The following NLRP8 variants were observed in gnomAD, a reference collection of about 807,000 sequenced individuals.
NLRP8 encodes the protein NLR family pyrin domain containing 8.
A neutral mutation model predicts 88.7 loss-of-function variants in NLRP8; 86 were observed. That is an observed-to-expected ratio of 0.97 (90% CI 0.81 to 1.16). The LOEUF (loss-of-function observed/expected upper bound fraction) is 1.16. Ranked by LOEUF, NLRP8 falls within the 50% of genes most tolerant of loss-of-function variation. NLRP8 has a pLI of 0.00. For missense variants in NLRP8, 1,342 were observed against 1,286.5 expected (o/e 1.04, Z -0.66); for synonymous variants, 504 against 494.6 (o/e 1.02, Z -0.25).
intron 9 of NLRP8, among the ~76,000 whole-genome samples, chr19:55,981,080 A>G (rs1461877664): frequency 6.6e-6 from 1 of 152,188 alleles, no homozygotes; most frequent in Non-Finnish European, 1.5e-5. Context: ...ACAGCAATGA[A>G]GTGGATATGC....
intron 4 of NLRP8, among the ~76,000 whole-genome samples, chr19:55,964,465 T>C (rs1052981402): frequency 6.6e-6 from 1 of 152,056 alleles, no homozygotes. Context: ...GTAGAAGAAA[T>C]AGCCGGTCGG....
rs547936965 is a variant in NLRP8, at chr19:55,951,122, C to T, written c.368-1416C>T. Among the ~76,000 whole-genome samples, 3 of 152,136 alleles carry T rather than the reference C, an allele frequency of 2.0e-5. No homozygotes were observed. The South Asian group carries it at 6.2e-4, about 32-fold the overall frequency. ...ATAAAAATAAAAATGGTACCCAAAA[C>T]TAGTGCTGATGTGCCTTTCCATGTT... On this transcript the variant is annotated intron_variant, in intron 1 of 9. Transcript: ENST00000291971.
chr19:55,970,661 G>T lies in NLRP8; in HGVS notation c.2499G>T (p.Ala833=). 6.2e-7 allele frequency: 1 copy of T among 1,614,072 alleles called. No individual in the cohort carries two copies. The highest frequency in any genetic ancestry group is 8.5e-7 in the Non-Finnish European group (1 of 1,180,008). ...AAAACTCCCTGGAGAACTGTGGGGC[G>T]TATTACCTGTCTGTGGCCCAGCTGG... The change falls in exon 6 of 10, where the codon GCG becomes GCT. Residue 833 remains alanine, a synonymous_variant. Coordinates refer to ENST00000291971, the MANE Select transcript of NLRP8 (RefSeq NM_176811.2).
intron 2 of NLRP8, among the ~76,000 whole-genome samples, chr19:55,953,731 C>T (rs1979200751): frequency 6.6e-6 from 1 of 150,864 alleles, no homozygotes; most frequent in South Asian, 2.1e-4. Context: ...AACTCCTAAC[C>T]TCGTGCCCGC....
At position 55,948,060 on chromosome 19, in the gene NLRP8, T is replaced by C; in HGVS notation, c.158T>C (p.Leu53Pro). 1 of 1,614,064 alleles carries C rather than the reference T, an allele frequency of 6.2e-7. No homozygotes were observed. ...ATGAGAAACGTGAGCCATGAGGAGC[T>C]ACAACGGTTCAAGCAGCTCTTACTG... is the stretch of plus-strand genomic sequence containing the variant. Residue 53 changes from leucine to proline, a missense_variant, in exon 1 of 10, where the codon CTA (leucine) becomes CCA (proline). Transcript: ENST00000291971.
At chr19:55,981,369 T>C (rs1980565970) in intron 9 of NLRP8, among the ~76,000 whole-genome samples, 1 of 152,206 alleles carries the variant, frequency 6.6e-6, no homozygotes, top group Non-Finnish European at 1.5e-5. Flanking sequence ...TGGAGTGTCA[T>C]GTGTTAACAC....
chr19:55,970,140 ATGAT>A (rs1184800645), intron 5 of NLRP8, among the ~76,000 whole-genome samples: 1 of 152,218 alleles, frequency 6.6e-6, no homozygotes, highest in Non-Finnish European at 1.5e-5. Context: ...CACTACAAAA[ATGAT>A]TAAATTGGTG....
chr19:55,973,536 C>A (rs2123217285), intron 6 of NLRP8, 116 bp from the exon 7 acceptor site: 1 of 881,836 alleles, frequency 1.1e-6, no homozygotes, highest in Non-Finnish European at 1.7e-6. Flanking sequence ...GTGGTGATGA[C>A]AGAGGTGTGA....
At chr19:55,964,684 G>A (rs7249588) in intron 4 of NLRP8, among the ~76,000 whole-genome samples, 10,053 of 151,354 alleles carry the variant, frequency 0.066, 855 homozygotes, top group East Asian at 0.48. Flanking sequence ...CCTGGGAAGC[G>A]GAGGTTGCAG....
At chr19:55,960,777 T>C (rs1979572049) in intron 3 of NLRP8, among the ~76,000 whole-genome samples, 1 of 152,184 alleles carries the variant, frequency 6.6e-6, no homozygotes, top group Non-Finnish European at 1.5e-5. Context: ...TCATCTCATG[T>C]GTCTTGGCAA....
chr19:55,975,638 A>C (rs1330917512), intron 7 of NLRP8, among the ~76,000 whole-genome samples: 1 of 152,234 alleles, frequency 6.6e-6, no homozygotes, highest in Non-Finnish European at 1.5e-5. Context: ...AGCATGGACG[A>C]ATCTTCAAAA....
chr19:55,975,474 A>G (rs2123220485), intron 7 of NLRP8, among the ~76,000 whole-genome samples: 1 of 152,216 alleles, frequency 6.6e-6, no homozygotes, highest in East Asian at 1.9e-4. Flanking sequence ...GAAAACCTGC[A>G]CACAGTTCAC....
chr19:55,957,514 C>T (rs901650833), intron 3 of NLRP8, among the ~76,000 whole-genome samples: 1 of 151,466 alleles, frequency 6.6e-6, no homozygotes, highest in Non-Finnish European at 1.5e-5. Flanking sequence ...GGTAAAACCC[C>T]GTTTCTACTA....
intron 4 of NLRP8, among the ~76,000 whole-genome samples, chr19:55,963,882 G>C (rs909351818): frequency 8.6e-5 from 13 of 152,040 alleles, no homozygotes; most frequent in Non-Finnish European, 1.9e-4. Flanking sequence ...AAGAGTGAGC[G>C]TGTATGCGTT....
At position 55,966,306 on chromosome 19, in the gene NLRP8, G is replaced by A. The variant is rs1979836378; in HGVS notation, c.2307G>A (p.Val769=). Residue 769 remains valine (V), a synonymous_variant, in exon 5 of 10, where the codon GTG becomes GTA. Transcript: ENST00000291971. The stretch of plus-strand genomic sequence containing the variant: ...TGAGATACTTGGAAATACAACATGT[G>A]GAAGTGGAGTCCAAAGCTGTGAAGC... 4 of 1,614,076 alleles carry A rather than the reference G, an allele frequency of 2.5e-6. No homozygotes were observed. The East Asian group carries it at 8.9e-5, about 36-fold the overall frequency.
chr19:55,959,100 G>C (rs1979502364), intron 3 of NLRP8, among the ~76,000 whole-genome samples: 1 of 148,110 alleles, frequency 6.8e-6, no homozygotes, highest in South Asian at 2.2e-4. Context: ...GGATGGTCTC[G>C]ATCTCCTGAC....
intron 3 of NLRP8, 71 bp downstream of exon 3, chr19:55,956,171 T>G: frequency 6.9e-7 from 1 of 1,454,738 alleles, no homozygotes; most frequent in Non-Finnish European, 9.3e-7. Flanking sequence ...CCCGGGTGTT[T>G]AGGGGGTCAA....
Position 55,962,173 on chromosome 19 carries a change from C to A in NLRP8, c.2149C>A (p.Pro717Thr). 6.2e-7 allele frequency: 1 copy of A among 1,614,152 alleles called. No individual in the cohort carries two copies. The highest frequency in any genetic ancestry group is 8.5e-7 in the Non-Finnish European group (1 of 1,180,016). Residue 717 changes from proline to threonine, a missense_variant, in exon 4 of 10, where the codon CCT becomes ACT. Pro to Thr is a conservative substitution (Grantham distance 38). Coordinates refer to ENST00000291971, the MANE Select transcript of NLRP8 (RefSeq NM_176811.2). ...GACTATGACCAACAGTGTTTTGGGG[C>A]CTCCTTTTTTGAAGGCTCTCGCGGC...
chr19:55,949,698 C>G (rs374919313), intron 1 of NLRP8, among the ~76,000 whole-genome samples: 26 of 151,628 alleles, frequency 1.7e-4, no homozygotes, highest in Non-Finnish European at 3.5e-4. Context: ...GCTGTGAACC[C>G]GCCTCTCCCA....
Sources: allele counts gnomAD v4.1 joint callset (sites outside exome capture counted in the v4.1 genomes callset), GRCh38; gene constraint gnomAD v4.1.1; transcripts MANE v1.5; gene names NCBI Gene and HGNC (gene_info 2026-07-23, HGNC 2026-07-21).